The following KMT2A variants were observed in gnomAD, a reference collection of about 807,000 sequenced individuals.
KMT2A encodes the protein lysine methyltransferase 2A.
KMT2A carries 16 observed loss-of-function variants against 345.3 expected under a neutral mutation model. That is an observed-to-expected ratio of 0.05 (90% CI 0.03 to 0.07). The LOEUF (loss-of-function observed/expected upper bound fraction) is 0.07, where lower values mean the gene tolerates loss of function less well. Ranked by LOEUF, KMT2A falls within the 10% of genes least tolerant of loss-of-function variation. KMT2A has a pLI of 1.00. For missense variants in KMT2A, 3,272 were observed against 4,841.6 expected, an observed-to-expected ratio of 0.68 and a Z score of 9.62; for synonymous variants, 1,599 against 1,778.6, an observed-to-expected ratio of 0.90 and a Z score of 2.54.
intron 5 of KMT2A, 22 bp downstream of exon 5, chr11:118,478,223 AG>A (rs1555038137): frequency 6.4e-7 from 1 of 1,574,568 alleles, no homozygotes; most frequent in South Asian, 1.1e-5. Context: ...TTTCACTCTG[AG>A]ATGTTGACCT....
rs782548809 is a variant in KMT2A, at chr11:118,472,966, C to T, written c.1807C>T (p.Pro603Ser). The T allele has an allele frequency of 5.0e-6, 8 of 1,614,108 alleles. No homozygotes were observed. In the Admixed American group the frequency reaches 1.2e-4, roughly 24 times the overall value. ...ACCATTTTTGCCTGCTTCCACTGCT[C>T]CTATGCAAGGGAAGCGAAAATCTAT... ...ASPFLPASTA[P>S]MQGKRKSILR... The change falls in exon 3 of 36, where the codon CCT (proline) becomes TCT (serine). Residue 603 changes from proline (P) to serine (S), a missense_variant. Physicochemically the swap from Pro to Ser is moderately conservative, Grantham distance 74 (BLOSUM62 -1). Around this residue, in one of 27 missense-constraint regions of KMT2A, gnomAD observed 114 missense variants for 203.2 expected, o/e 0.56. Transcript: ENST00000534358.
At position 118,526,102 on chromosome 11, in the gene KMT2A, AG is replaced by A. The variant is rs1555055499; in HGVS notation, c.*3932del. ...TTGTGTTACAGTTGCTAGTAGCGGC[AG>A]GAAGATGTCAGGCTCACTTTCCTCT... On this transcript the variant is annotated 3_prime_UTR_variant, in exon 36 of 36. Transcript: ENST00000534358. 2 of 218,566 alleles carry A rather than the reference AG, an allele frequency of 9.2e-6. No homozygotes were observed. The highest frequency in any genetic ancestry group is 9.2e-6 in the Non-Finnish European group (1 of 108,852). 13.5% of individuals were successfully genotyped at this position (218,566 alleles called of 1,614,324 possible).
chr11:118,517,363 TC>T (rs1382320145), intron 31 of KMT2A, among the ~76,000 whole-genome samples: 2 of 131,724 alleles, frequency 1.5e-5, no homozygotes, highest in Non-Finnish European at 3.1e-5. Context: ...ACCACTGTAC[TC>T]CAGCCTGGGC....
intron 1 of KMT2A, among the ~76,000 whole-genome samples, chr11:118,467,331 C>T (rs1039717845): frequency 1.3e-5 from 2 of 150,746 alleles, no homozygotes; most frequent in Admixed American, 6.6e-5. Context: ...GAGCTGAGAT[C>T]GCGCCACTGC....
At chr11:118,461,690 C>T (rs782716433) in intron 1 of KMT2A, among the ~76,000 whole-genome samples, 1 of 152,200 alleles carries the variant, frequency 6.6e-6, no homozygotes, top group African/African-American at 2.4e-5. Context: ...CTCCTGTACC[C>T]TCTCTCTTCA....
chr11:118,476,188 G>T lies in KMT2A; in HGVS notation c.3157-617G>T, dbSNP rs1223954802. The stretch of plus-strand genomic sequence containing the variant: ...CCAAAGTGCTGGGAGTTGCAGGCGT[G>T]AGCCACCACCTATACTTTCATTTAT... On this transcript the variant is annotated intron_variant, in intron 3 of 35. Transcript: ENST00000534358. This position sits in a 1 kb window ranked among gnomAD's most constrained non-coding sequence, Gnocchi z 4.1. Among the ~76,000 whole-genome samples, 1 of 152,140 alleles carries T rather than the reference G, an allele frequency of 6.6e-6. No individual in the cohort carries two copies.
chr11:118,493,607 T>C lies in KMT2A; in HGVS notation c.5178+377T>C, dbSNP rs1323859257. On this transcript the variant is annotated intron_variant, in intron 16 of 35. Coordinates refer to ENST00000534358, the MANE Select transcript of KMT2A (RefSeq NM_001197104.2). This position sits in a 1 kb window ranked among gnomAD's most constrained non-coding sequence, Gnocchi z 5.8. ...TGTGCCTTTCTTTATAAGGTCTTCA[T>C]TTGTAGATAGATGCCTGTTAATTTT... Among the ~76,000 whole-genome samples the C allele has an allele frequency of 6.6e-6, 1 of 152,238 alleles. No homozygotes were observed. Among genetic ancestry groups the C allele is most frequent in the African/African-American group, 2.4e-5 (1 of 41,458 alleles).
In KMT2A at chr11:118,522,249, G is replaced by T; in HGVS notation, c.*77G>T. 6.5e-7 allele frequency: 1 copy of T among 1,534,734 alleles called. No individual in the cohort carries two copies. Among genetic ancestry groups the T allele is most frequent in the Non-Finnish European group, 8.9e-7 (1 of 1,123,998 alleles). On this transcript the variant is annotated 3_prime_UTR_variant, in exon 36 of 36. Coordinates refer to ENST00000534358, the MANE Select transcript of KMT2A (RefSeq NM_001197104.2). This position sits in a 1 kb window ranked among gnomAD's most constrained non-coding sequence, Gnocchi z 5.4. ...GCAACGCTGAAGGCCTTTTCCAGCA[G>T]CTGGGAGCTCCCGGATTGCGTGGCA...
Position 118,521,019 on chromosome 11 carries a change from T to TCCTGGGATCCTGCA in KMT2A, c.11513+138_11513+151dup. On this transcript the variant is annotated intron_variant, in intron 34 of 35. Transcript: ENST00000534358. This position sits in a 1 kb window ranked among gnomAD's most constrained non-coding sequence, Gnocchi z 5.3. ...CGGACACTATTTATTGACCCTCATATCCTGGGATCCTGCACCTCCTTGTGT... is the reference window on the plus strand; with the variant it reads ...CGGACACTATTTATTGACCCTCATATCCTGGGATCCTGCACCTGGGATCCTGCACCTCCTTGTGT... The TCCTGGGATCCTGCA allele has an allele frequency of 1.4e-6, 1 of 702,920 alleles. No individual in the cohort carries two copies. 43.5% of individuals were successfully genotyped at this position (702,920 alleles called of 1,614,324 possible).
Position 118,505,057 on chromosome 11 carries a change from T to G in KMT2A, c.9165T>G (p.Asp3055Glu). 6.2e-7 allele frequency: 1 copy of G among 1,614,160 alleles called. No individual in the cohort carries two copies. The highest frequency in any genetic ancestry group is 2.2e-5 in the East Asian group (1 of 44,870). ...QNQKYVPNST[D>E]SPGPSQISNA... ...AGAAGTATGTGCCCAATTCTACTGA[T>G]AGTCCTGGCCCGTCTCAGATTTCCA... The change falls in exon 27 of 36, where the codon GAT becomes GAG. Residue 3055 changes from aspartate to glutamate, a missense_variant. Asp to Glu is a conservative substitution (Grantham distance 45). Around this residue, in one of 27 missense-constraint regions of KMT2A, gnomAD observed 748 missense variants for 922.2 expected, o/e 0.81. Transcript: ENST00000534358. This position sits in a 1 kb window ranked among gnomAD's most constrained non-coding sequence, Gnocchi z 4.6.
rs1555050255 is a variant in KMT2A at position 118,512,039 on chromosome 11, G to A, written c.11146+14G>A. On this transcript the variant is annotated intron_variant, in intron 31 of 35. Coordinates refer to ENST00000534358, the MANE Select transcript of KMT2A (RefSeq NM_001197104.2). ...TCTCATTTGCAGGTAATGGCTGGAG[G>A]TGTTATTCCACTCCTGTCTCAGAAT... The A allele has an allele frequency of 6.2e-7, 1 of 1,607,552 alleles. No homozygotes were observed. The highest frequency in any genetic ancestry group is 1.3e-5 in the African/African-American group (1 of 74,754).
rs1290299751 is a variant in KMT2A at position 118,498,255 on chromosome 11, A to G, written c.5803-115A>G. On this transcript the variant is annotated intron_variant, in intron 21 of 35. Coordinates refer to ENST00000534358, the MANE Select transcript of KMT2A (RefSeq NM_001197104.2). The surrounding 1 kb of genome is among the most constrained non-coding windows in gnomAD (Gnocchi z 4.4). ...AAATTTTATCTGTTTTCAATTTATC[A>G]ATAGATAAAATGAATTGTAGGAACT... is the stretch of plus-strand genomic sequence containing the variant. The G allele has an allele frequency of 3.4e-6, 4 of 1,177,504 alleles. No individual in the cohort carries two copies. The highest frequency in any genetic ancestry group is 4.8e-6 in the Non-Finnish European group (4 of 831,466). The allele number at this position is 1,177,504 out of a possible 1,614,324, so 72.9% of individuals were successfully genotyped here.
Position 118,474,137 on chromosome 11 carries a change from C to T in KMT2A, c.2978C>T (p.Thr993Ile), listed in dbSNP as rs200209840. ...LEKEKTLCLS[T>I]PSSSTVKHST... ...AAGGAGAAAACCCTCTGCCTTTCCA[C>T]TCCTTCATCTAGCACTGTTAAACAT... The change falls in exon 3 of 36, where the codon ACT becomes ATT. Residue 993 changes from threonine (T) to isoleucine (I), a missense_variant. This residue lies in a region of KMT2A where 39 missense variants were observed against 88.9 expected (regional missense o/e 0.44). Coordinates refer to ENST00000534358, the MANE Select transcript of KMT2A (RefSeq NM_001197104.2). 6.2e-7 allele frequency: 1 copy of T among 1,614,206 alleles called. No homozygotes were observed. The highest frequency in any genetic ancestry group is 2.2e-5 in the East Asian group (1 of 44,882).
intron 28 of KMT2A, among the ~76,000 whole-genome samples, chr11:118,508,862 C>G (rs1416734048): frequency 6.6e-6 from 1 of 151,712 alleles, no homozygotes; most frequent in Non-Finnish European, 1.5e-5. Flanking sequence ...TTTTCTAATA[C>G]TGAGTATGAG....
chr11:118,505,604 G>C lies in KMT2A; in HGVS notation c.9712G>C (p.Ala3238Pro), dbSNP rs2134407388. ...ACAGACCCGAAAGAATAAAAAACTTGCTCCCTCTAGTACCCCTTCAAACAT... is the reference window on the plus strand; with the variant it reads ...ACAGACCCGAAAGAATAAAAAACTTCCTCCCTCTAGTACCCCTTCAAACAT... ...RLQTRKNKKL[A>P]PSSTPSNIAP... is the part of the protein sequence containing the mutation. The change falls in exon 27 of 36, where the codon GCT becomes CCT. Residue 3238 changes from alanine to proline, a missense_variant. Coordinates refer to ENST00000534358, the MANE Select transcript of KMT2A (RefSeq NM_001197104.2). This position sits in a 1 kb window ranked among gnomAD's most constrained non-coding sequence, Gnocchi z 4.6. 1 of 1,614,044 alleles carries C rather than the reference G, an allele frequency of 6.2e-7. No homozygotes were observed. Among genetic ancestry groups the C allele is most frequent in the East Asian group, 2.2e-5 (1 of 44,884 alleles).
rs373625999 is a variant in KMT2A, at chr11:118,503,191, A to G, written c.7299A>G (p.Lys2433=). ...SSSRDRRQKG[K]KSCKETFKEK... The stretch of plus-strand genomic sequence containing the variant: ...CCAGAGATAGGAGACAGAAAGGGAA[A>G]AAATCCTGTAAAGAAACTTTCAAAG... Residue 2433 remains lysine (K), a synonymous_variant, in exon 27 of 36, where the codon AAA becomes AAG. Transcript: ENST00000534358. The surrounding 1 kb of genome is among the most constrained non-coding windows in gnomAD (Gnocchi z 5.3). The G allele has an allele frequency of 3.6e-5, 58 of 1,614,010 alleles. No individual in the cohort carries two copies. The highest frequency in any genetic ancestry group is 1.8e-4 in the East Asian group (8 of 44,898).
rs201377865 is a variant in KMT2A, at chr11:118,495,163, TA to T, written c.5363+397del. Among the ~76,000 whole-genome samples the T allele has an allele frequency of 1.2e-3, 178 of 150,504 alleles. 2 individuals are homozygous for T. Among genetic ancestry groups the T allele is most frequent in the African/African-American group, 3.6e-3 (148 of 40,556 alleles). ...TTTGATTTGATTTTATTTATTTATT[TA>T]TTTTTTTTTTTTTGAGACGGAGTCT... On this transcript the variant is annotated intron_variant, in intron 18 of 35. Transcript: ENST00000534358. The surrounding 1 kb of genome is among the most constrained non-coding windows in gnomAD (Gnocchi z 4.1).
In KMT2A at chr11:118,521,950, C is replaced by T; in HGVS notation, c.11697C>T (p.Thr3899=). 2 of 1,614,186 alleles carry T rather than the reference C, an allele frequency of 1.2e-6. No homozygotes were observed. The highest frequency in any genetic ancestry group is 1.7e-6 in the Non-Finnish European group (2 of 1,180,022). The change falls in exon 36 of 36, where the codon ACC becomes ACT. Residue 3899 remains threonine, a synonymous_variant. Transcript: ENST00000534358. This position sits in a 1 kb window ranked among gnomAD's most constrained non-coding sequence, Gnocchi z 5.3. ...ATGACTCAGAGGTAGTGGATGCCACCATGCATGGAAATGCTGCACGCTTCA... is the reference window on the plus strand; with the variant it reads ...ATGACTCAGAGGTAGTGGATGCCACTATGCATGGAAATGCTGCACGCTTCA... ...RIDDSEVVDA[T]MHGNAARFIN...
chr11:118,438,421 G>C (rs1949243825), intron 1 of KMT2A, among the ~76,000 whole-genome samples: 1 of 148,542 alleles, frequency 6.7e-6, no homozygotes, highest in South Asian at 2.2e-4. Context: ...ATGCAGAAGG[G>C]GGGAGTTCGA....
Sources: gnomAD v4.1 joint callset for allele counts (sites outside exome capture counted in the v4.1 genomes callset) on GRCh38, gnomAD v4.1.1 for gene constraint, gnomAD v4.1.1 regional missense constraint, Gnocchi (gnomAD v3.1) non-coding constraint, MANE v1.5 for transcripts, NCBI Gene and HGNC (gene_info 2026-07-23, HGNC 2026-07-21) for gene names.